The following PTGR1 variants were observed in gnomAD, a reference collection of about 807,000 sequenced individuals.
The protein encoded by PTGR1 is prostaglandin reductase 1.
In PTGR1, 23 loss-of-function variants were observed where a neutral mutation model predicts 37.7. The ratio of observed to expected loss-of-function variants is 0.61; its 90% CI spans 0.44 to 0.86. The LOEUF (loss-of-function observed/expected upper bound fraction) is 0.86, where lower values mean the gene tolerates loss of function less well. Among genes scored for constraint, PTGR1 ranks in the 40% least tolerant of loss-of-function variants. The pLI is 0.00. For synonymous variants in PTGR1, 134 were observed against 140.0 expected (o/e 0.96, Z 0.30); for missense variants, 351 against 394.3 (o/e 0.89, Z 0.93).
intron 1 of PTGR1, among the ~76,000 whole-genome samples, chr9:111,598,434 C>T (rs956738021): frequency 1.3e-5 from 2 of 152,204 alleles, no homozygotes; most frequent in Non-Finnish European, 2.9e-5. Flanking sequence ...TCCCGCATTG[C>T]GAGGGAGCCA....
intron 4 of PTGR1, among the ~76,000 whole-genome samples, chr9:111,587,185 T>G (rs189608968): frequency 1.3e-5 from 2 of 152,148 alleles, no homozygotes; most frequent in Non-Finnish European, 2.9e-5. Flanking sequence ...GGTACTGATC[T>G]CTGCTGGCTT....
At chr9:111,553,966 A>G (rs1002184889) in intron 9 of PTGR1, among the ~76,000 whole-genome samples, 1 of 152,150 alleles carries the variant, frequency 6.6e-6, no homozygotes, top group African/African-American at 2.4e-5. Flanking sequence ...ATAACTTCCA[A>G]CGTCCCAGAG....
intron 9 of PTGR1, among the ~76,000 whole-genome samples, chr9:111,569,269 T>C (rs1564612488): frequency 6.6e-6 from 1 of 152,116 alleles, no homozygotes; most frequent in Non-Finnish European, 1.5e-5. Flanking sequence ...CCAGTGACCA[T>C]GACCTGGGGC....
intron 9 of PTGR1, among the ~76,000 whole-genome samples, chr9:111,566,761 T>C (rs183092342): frequency 6.6e-6 from 1 of 152,288 alleles, no homozygotes; most frequent in African/African-American, 2.4e-5. Context: ...GCAAAATGTA[T>C]GAATATGCTG....
intron 5 of PTGR1, 128 bp from the exon 6 acceptor site, chr9:111,583,717 A>G: frequency 1.4e-6 from 1 of 701,504 alleles, no homozygotes; most frequent in Non-Finnish European, 2.5e-6. Context: ...AAAATATGGA[A>G]ATAAATATTG....
intron 6 of PTGR1, among the ~76,000 whole-genome samples, chr9:111,579,754 G>A (rs1452465506): frequency 6.6e-6 from 1 of 152,138 alleles, no homozygotes; most frequent in Non-Finnish European, 1.5e-5. Flanking sequence ...CACTGCACCA[G>A]GCCCCCTTTA....
At chr9:111,578,000 TG>T (rs547836676) in intron 7 of PTGR1, among the ~76,000 whole-genome samples, 9 of 151,412 alleles carry the variant, frequency 5.9e-5, no homozygotes, top group Non-Finnish European at 1.0e-4. Context: ...TAGCGTTTTT[TG>T]GGGGGGGTGA....
At chr9:111,583,676 G>T in intron 5 of PTGR1, 87 bp from the exon 6 acceptor site, 1 of 1,071,246 alleles carries the variant, frequency 9.3e-7, no homozygotes, top group South Asian at 1.4e-5. Flanking sequence ...CCTTCTCAGT[G>T]GCCCAGTGCC....
chr9:111,549,728 A>G (rs1281075682), exon 10 of PTGR1: 1 of 1,549,118 alleles, frequency 6.5e-7, no homozygotes, highest in Non-Finnish European at 8.7e-7. Context: ...CTTCTAAGGT[A>G]ATGGTGAATG....
At chr9:111,560,265 G>A (rs1828234303), downstream of PTGR1, among the ~76,000 whole-genome samples, 1 of 152,022 alleles carries the variant, frequency 6.6e-6, no homozygotes, top group Non-Finnish European at 1.5e-5. Context: ...TGGATCACGA[G>A]GTCAGGAGAT....
At chr9:111,554,958 T>G (rs1470262365) in intron 9 of PTGR1, among the ~76,000 whole-genome samples, 3 of 152,186 alleles carry the variant, frequency 2.0e-5, no homozygotes, top group Non-Finnish European at 4.4e-5. Flanking sequence ...TGTTAATTTT[T>G]CTTTGAGAAG....
At chr9:111,564,221 A>G in intron 9 of PTGR1, 1 of 1,080,608 alleles carries the variant, frequency 9.3e-7, no homozygotes, top group Non-Finnish European at 1.1e-6. Context: ...ATTTATAGAC[A>G]AGATTATTTG....
chr9:111,552,776 T>A (rs1828007620), intron 9 of PTGR1, among the ~76,000 whole-genome samples: 1 of 152,104 alleles, frequency 6.6e-6, no homozygotes, highest in African/African-American at 2.4e-5. Flanking sequence ...AAGATTTGAA[T>A]TAATTGGTCT....
At chr9:111,588,175 G>C (rs1378011008) in intron 4 of PTGR1, among the ~76,000 whole-genome samples, 2 of 149,326 alleles carry the variant, frequency 1.3e-5, no homozygotes, top group Non-Finnish European at 3.0e-5. Context: ...GACCACAGTA[G>C]CACACTACCA....
At chr9:111,562,307 G>A (rs1222648600), downstream of PTGR1, among the ~76,000 whole-genome samples, 5 of 142,672 alleles carry the variant, frequency 3.5e-5, no homozygotes, top group African/African-American at 5.2e-5. Context: ...ATAGAGTCTC[G>A]CTCTGTCACC....
At chr9:111,583,772 G>A (rs10980953) in intron 5 of PTGR1, among the ~76,000 whole-genome samples, 183 bp from the exon 6 acceptor site, 6,612 of 152,252 alleles carry the variant, frequency 0.043, 184 homozygotes, top group South Asian at 0.057. Flanking sequence ...TGTCAGATAG[G>A]AATAAAGGTG....
chr9:111,592,734 C>A (rs1829656642), intron 4 of PTGR1, 192 bp downstream of exon 4: 2 of 665,028 alleles, frequency 3.0e-6, no homozygotes, highest in East Asian at 3.3e-5. Context: ...GAAAAAATGA[C>A]AATTTCACAT....
At chr9:111,556,549 C>T (rs1828128597) in intron 9 of PTGR1, among the ~76,000 whole-genome samples, 1 of 152,252 alleles carries the variant, frequency 6.6e-6, no homozygotes, top group Admixed American at 6.5e-5. Context: ...TAGGCAGAGA[C>T]TCCCAAACCT....
At position 111,586,137 on chromosome 9, in the gene PTGR1, G is replaced by T; in HGVS notation, c.238C>A (p.Pro80Thr). 1.2e-6 allele frequency: 2 copies of T among 1,614,072 alleles called. No homozygotes were observed. The highest frequency in any genetic ancestry group is 1.7e-6 in the Non-Finnish European group (2 of 1,179,980). ...GAAGCCAGTACAATAGTTCCTTTTG[G>T]TAGGGCTACATTTTTACTTTCCACA... ...KVVESKNVAL[P>T]KGTIVLASPG... The change falls in exon 5 of 10, where the codon CCA becomes ACA. Residue 80 changes from proline (P) to threonine (T), a missense_variant. By Grantham distance (38) the Pro-to-Thr change is conservative. Transcript: ENST00000407693.
Sources: gnomAD v4.1 joint callset for allele counts (sites outside exome capture counted in the v4.1 genomes callset) on GRCh38, gnomAD v4.1.1 for gene constraint, MANE v1.5 for transcripts, NCBI Gene and HGNC (gene_info 2026-07-23, HGNC 2026-07-21) for gene names.